The following RBM45 variants were observed in gnomAD, a reference collection of about 807,000 sequenced individuals.
The protein encoded by RBM45 is RNA-binding protein 45.
In RBM45, 39 loss-of-function variants were observed where a neutral mutation model predicts 58.5. That is an observed-to-expected ratio of 0.67 (90% CI 0.52 to 0.87). The LOEUF (loss-of-function observed/expected upper bound fraction) is 0.87, where lower values mean the gene tolerates loss of function less well. Ranked by LOEUF, RBM45 falls within the 40% of genes least tolerant of loss-of-function variation. The pLI, the probability that RBM45 is intolerant of heterozygous loss-of-function variation, is 0.00. For missense variants in RBM45, 481 were observed against 581.6 expected, an observed-to-expected ratio of 0.83 and a Z score of 1.78; for synonymous variants, 193 against 203.0, an observed-to-expected ratio of 0.95 and a Z score of 0.42.
At position 178,136,832 on chromosome 2, in the gene RBM45, G is replaced by A. The variant is rs187841859; in HGVS notation, c.*378G>A. The A allele has an allele frequency of 3.3e-4, 51 of 152,296 alleles. 1 individual carries two copies. The highest frequency in any genetic ancestry group is 1.2e-3 in the African/African-American group (48 of 41,550). 9.4% of individuals were successfully genotyped at this position (152,296 alleles called of 1,614,324 possible). ...TGACCACCTGCTGGATATTATATCA[G>A]CACTTACTTAAGTAAGCTGTGGAAG... On this transcript the variant is annotated 3_prime_UTR_variant, in exon 4 of 4. Coordinates refer to the RBM45 transcript ENST00000455903.
chr2:178,122,499 C>T (rs1355920845), intron 5 of RBM45, among the ~76,000 whole-genome samples: 2 of 152,100 alleles, frequency 1.3e-5, no homozygotes, highest in Admixed American at 1.3e-4. Context: ...AGTCTTAACC[C>T]GATCATATGC....
At chr2:178,138,457 TAA>T (rs1178549026) in exon 4 of RBM45, 2 of 152,130 alleles carry the variant, frequency 1.3e-5, no homozygotes, top group Admixed American at 6.5e-5. Context: ...TAAAAAATTT[TAA>T]AAGTCACAAG....
chr2:178,133,190 A>T (rs1379387368), downstream of RBM45, among the ~76,000 whole-genome samples: 1 of 152,236 alleles, frequency 6.6e-6, no homozygotes, highest in Non-Finnish European at 1.5e-5. Flanking sequence ...TATGAATTGC[A>T]TTAAGAAATT....
At chr2:178,135,128 T>G (rs2088035141) in intron 3 of RBM45, among the ~76,000 whole-genome samples, 1 of 152,250 alleles carries the variant, frequency 6.6e-6, no homozygotes, top group South Asian at 2.1e-4. Context: ...CTCTTCTATA[T>G]TAGTACATTC....
downstream of RBM45, among the ~76,000 whole-genome samples, chr2:178,130,958 G>A (rs888984303): frequency 4.6e-5 from 7 of 152,196 alleles, no homozygotes; most frequent in East Asian, 1.9e-4. Flanking sequence ...TAAAGAGAAA[G>A]CAAAGCTGGG....
chr2:178,113,442 G>A (rs1222401682), intron 1 of RBM45, among the ~76,000 whole-genome samples: 1 of 152,148 alleles, frequency 6.6e-6, no homozygotes, highest in Non-Finnish European at 1.5e-5. Flanking sequence ...TGTTATTTTG[G>A]AAAATTGTTT....
Position 178,112,460 on chromosome 2 carries a change from C to T in RBM45, c.-87C>T, listed in dbSNP as rs777285339. 15 of 1,293,518 alleles carry T rather than the reference C, an allele frequency of 1.2e-5. No homozygotes were observed. Among genetic ancestry groups the T allele is most frequent in the Non-Finnish European group, 1.6e-5 (15 of 927,592 alleles). 80.1% of individuals were successfully genotyped at this position (1,293,518 alleles called of 1,614,324 possible). On this transcript the variant is annotated 5_prime_UTR_variant, in exon 1 of 10. Transcript: ENST00000286070. ...TTCTCCCGGAAGCGGAGCACCGAGC[C>T]GGCAAAGGCTTGGGTGTGAGACAGC... is the stretch of plus-strand genomic sequence containing the variant.
intron 5 of RBM45, 58 bp from the exon 6 acceptor site, chr2:178,123,464 T>G: frequency 6.7e-7 from 1 of 1,498,508 alleles, no homozygotes; most frequent in Non-Finnish European, 8.9e-7. Context: ...GATTGTAACA[T>G]AGGCCTTAGG....
chr2:178,118,872 C>T (rs557127936), intron 3 of RBM45, among the ~76,000 whole-genome samples: 3 of 151,970 alleles, frequency 2.0e-5, no homozygotes, highest in Non-Finnish European at 4.4e-5. Context: ...TCTTAGATAC[C>T]CCTAAGGTAC....
chr2:178,117,945 C>A, intron 2 of RBM45, 110 bp from the exon 3 acceptor site: 1 of 759,972 alleles, frequency 1.3e-6, no homozygotes, highest in South Asian at 3.3e-5. Flanking sequence ...TTTATACTGC[C>A]TATTTCTTTG....
intron 3 of RBM45, among the ~76,000 whole-genome samples, chr2:178,135,138 C>T (rs1385539544): frequency 2.0e-5 from 3 of 152,160 alleles, no homozygotes; most frequent in Non-Finnish European, 2.9e-5. Context: ...TTAGTACATT[C>T]GTAACTTAAT....
intron 3 of RBM45, 26 bp from the exon 4 acceptor site, chr2:178,120,261 A>G (rs1407486590): frequency 6.2e-7 from 1 of 1,611,366 alleles, no homozygotes; most frequent in Non-Finnish European, 8.5e-7. Context: ...TTGCTGTGAA[A>G]CTTGAAATTC....
Position 178,121,239 on chromosome 2 carries a change from T to C in RBM45, c.733T>C (p.Ser245Pro). The stretch of plus-strand genomic sequence containing the variant: ...TGATAGCCGAGGCCAGGAAGCAATC[T>C]CCAAACGCTTGTCAGTTGTATCAAG... ...KNDSRGQEAI[S>P]KRLSVVSRVP... The change falls in exon 5 of 10, where the codon TCC becomes CCC. Residue 245 changes from serine to proline, a missense_variant. Coordinates refer to ENST00000286070, the MANE Select transcript of RBM45 (RefSeq NM_152945.4). 1.9e-6 allele frequency: 3 copies of C among 1,585,572 alleles called. No individual in the cohort carries two copies. The highest frequency in any genetic ancestry group is 2.6e-6 in the Non-Finnish European group (3 of 1,163,974).
intron 9 of RBM45, among the ~76,000 whole-genome samples, chr2:178,127,254 A>G (rs2087945714): frequency 6.6e-6 from 1 of 152,210 alleles, no homozygotes; most frequent in Non-Finnish European, 1.5e-5. Context: ...CTGTAAAATA[A>G]TTCTGAATTT....
downstream of RBM45, among the ~76,000 whole-genome samples, chr2:178,130,625 A>G (rs2087996090): frequency 6.6e-6 from 1 of 152,334 alleles, no homozygotes; most frequent in South Asian, 2.1e-4. Flanking sequence ...CATTGAATTG[A>G]TATGTATAAA....
chr2:178,123,625 C>T lies in RBM45; in HGVS notation c.957C>T (p.Phe319=). ...YPPGNRIGVS[F]IDDGSNATDL... The stretch of plus-strand genomic sequence containing the variant: ...CTGGGAACCGAATAGGTGTTTCCTT[C>T]ATTGATGATGGAAGTAATGCAACAG... The change falls in exon 6 of 10, where the codon TTC becomes TTT. Residue 319 remains phenylalanine (F), a synonymous_variant. Transcript: ENST00000286070. The T allele has an allele frequency of 1.2e-6, 2 of 1,607,240 alleles. No homozygotes were observed. Among genetic ancestry groups the T allele is most frequent in the Non-Finnish European group, 1.7e-6 (2 of 1,177,950 alleles).
downstream of RBM45, among the ~76,000 whole-genome samples, chr2:178,129,875 A>G (rs182215108): frequency 1.4e-4 from 22 of 152,306 alleles, no homozygotes; most frequent in South Asian, 1.9e-3. Context: ...TTTTCAATCA[A>G]TTGCATCTTA....
chr2:178,116,878 G>T (rs1264679470), intron 2 of RBM45, among the ~76,000 whole-genome samples: 1 of 151,986 alleles, frequency 6.6e-6, no homozygotes, highest in Non-Finnish European at 1.5e-5. Context: ...TGTTGACATG[G>T]TACTCATTCA....
At chr2:178,114,349 G>A (rs2087743081) in intron 1 of RBM45, among the ~76,000 whole-genome samples, 1 of 152,048 alleles carries the variant, frequency 6.6e-6, no homozygotes. Context: ...AGCCCTTGTG[G>A]GCAGCCCAAA....
Sources: gnomAD v4.1 joint callset for allele counts (sites outside exome capture counted in the v4.1 genomes callset) on GRCh38, gnomAD v4.1.1 for gene constraint, MANE v1.5 for transcripts, NCBI Gene and HGNC (gene_info 2026-07-23, HGNC 2026-07-21) for gene names.